The following MCM3AP variants were observed in gnomAD, a reference collection of about 807,000 sequenced individuals.
The protein encoded by MCM3AP is germinal-center associated nuclear protein.
MCM3AP carries 126 observed loss-of-function variants against 184.1 expected under a neutral mutation model. The ratio of observed to expected loss-of-function variants is 0.68; its 90% CI spans 0.59 to 0.79. The LOEUF is 0.79. Among genes scored for constraint, MCM3AP ranks in the 30% least tolerant of loss-of-function variants. The probability of loss-of-function intolerance (pLI) is 0.00; values close to 1 mark genes in which losing one functional copy is unlikely to be tolerated. For synonymous variants in MCM3AP, 1,002 were observed against 979.3 expected (o/e 1.02, Z -0.43); for missense variants, 2,496 against 2,479.2 (o/e 1.01, Z -0.14).
At chr21:46,265,664 G>A (rs1246780940) in intron 11 of MCM3AP, 141 bp from the exon 12 acceptor site, 9 of 765,910 alleles carry the variant, frequency 1.2e-5, no homozygotes, top group African/African-American at 3.5e-5. Flanking sequence ...GACCAGCTAC[G>A]TGGGACAACA....
Position 46,285,287 on chromosome 21 carries a change from C to A in MCM3AP, c.-1G>T, listed in dbSNP as rs371220577. On this transcript the variant is annotated 5_prime_UTR_variant, in exon 1 of 28. Transcript: ENST00000291688. ...CACTGAAAGGATTAGTTGGGTTCATCTTCTGCTCCAATTATTAGAAGGTAA... is the reference window on the plus strand; with the variant it reads ...CACTGAAAGGATTAGTTGGGTTCATATTCTGCTCCAATTATTAGAAGGTAA... 4.4e-6 allele frequency: 7 copies of A among 1,599,114 alleles called. No homozygotes were observed. Among genetic ancestry groups the A allele is most frequent in the Admixed American group, 3.4e-5 (2 of 59,232 alleles).
Position 46,270,400 on chromosome 21 carries a change from C to T in MCM3AP, c.2628+1G>A. ...TCTGCAAGCACAGCTCATTTACTCA[C>T]CTGACTGAAGTAACAGTGTAAAAGA... On this transcript the variant is annotated splice_donor_variant, in intron 9 of 27. Coordinates refer to ENST00000291688, the MANE Select transcript of MCM3AP (RefSeq NM_003906.5). LOFTEE classifies it high-confidence loss of function. The T allele has an allele frequency of 1.2e-6, 2 of 1,609,190 alleles. No individual in the cohort carries two copies. The highest frequency in any genetic ancestry group is 1.7e-6 in the Non-Finnish European group (2 of 1,178,278).
chr21:46,270,143 C>A, intron 9 of MCM3AP: 1 of 332,996 alleles, frequency 3.0e-6, no homozygotes, highest in Non-Finnish European at 5.4e-6. Flanking sequence ...TGAATTCAAC[C>A]TATGTTTTCC....
At position 46,256,693 on chromosome 21, in the gene MCM3AP, A is replaced by G. The variant is rs1215816114; in HGVS notation, c.3932+96T>C. 4.2e-6 allele frequency: 6 copies of G among 1,424,980 alleles called. No homozygotes were observed. In the African/African-American group the frequency reaches 5.7e-5, roughly 14 times the overall value. 88.3% of individuals were successfully genotyped at this position (1,424,980 alleles called of 1,614,324 possible). A position where few individuals can be genotyped will look rare whatever the true frequency, so the allele number is the denominator to read the frequency against. ...CTATCTTCGCCTCCAGGCTTCACCT[A>G]TCTTCACCCTCCAAACACACACATT... On this transcript the variant is annotated intron_variant, in intron 17 of 27. Transcript: ENST00000291688.
intron 19 of MCM3AP, chr21:46,253,355 A>C (rs748578709): frequency 7.2e-5 from 11 of 152,262 alleles, no homozygotes; most frequent in Non-Finnish European, 1.0e-4. Context: ...ACAGCTTGAA[A>C]TAACAATCAA....
At chr21:46,275,766 A>G (rs1194520644) in intron 5 of MCM3AP, among the ~76,000 whole-genome samples, 2 of 152,218 alleles carry the variant, frequency 1.3e-5, no homozygotes, top group South Asian at 2.1e-4. Flanking sequence ...TATTCAAAAT[A>G]TATCACTATT....
At chr21:46,280,236 G>A in intron 3 of MCM3AP, 99 bp from the exon 4 acceptor site, 1 of 1,325,108 alleles carries the variant, frequency 7.5e-7, no homozygotes, top group Non-Finnish European at 1.1e-6. Context: ...TATTTTCATT[G>A]TCACAGGAGG....
At chr21:46,273,142 T>C (rs1398443964) in intron 7 of MCM3AP, among the ~76,000 whole-genome samples, 1 of 152,144 alleles carries the variant, frequency 6.6e-6, no homozygotes. Flanking sequence ...GCCAAGCTAA[T>C]TTTTGTATTT....
At chr21:46,251,467 T>A (rs1485406363) in intron 20 of MCM3AP, 62 bp downstream of exon 20, 1 of 1,396,318 alleles carries the variant, frequency 7.2e-7, no homozygotes, top group Non-Finnish European at 1.0e-6. Context: ...GTTCCAGTGA[T>A]ATCTGGGAGT....
chr21:46,279,191 G>A (rs1170530977), intron 4 of MCM3AP, among the ~76,000 whole-genome samples: 1 of 151,978 alleles, frequency 6.6e-6, no homozygotes, highest in African/African-American at 2.4e-5. Flanking sequence ...GGGAGGCTAA[G>A]GCAGGAGAAT....
rs1220243932 is a variant in MCM3AP, at chr21:46,235,240, G to C, written c.*28C>G. On this transcript the variant is annotated 3_prime_UTR_variant, in exon 28 of 28. Transcript: ENST00000291688. The stretch of plus-strand genomic sequence containing the variant: ...GAGTAAAAACAGAAACTCTTCGGGA[G>C]AGACCCCCTCCCCACAGGTCAGGCT... The C allele has an allele frequency of 6.2e-7, 1 of 1,611,134 alleles. No homozygotes were observed. Among genetic ancestry groups the C allele is most frequent in the African/African-American group, 1.3e-5 (1 of 74,854 alleles).
Position 46,266,903 on chromosome 21 carries a change from C to CCAGCCCTTCA in MCM3AP, c.2789+69_2789+78dup, listed in dbSNP as rs971399001. The CCAGCCCTTCA allele has an allele frequency of 3.4e-6, 5 of 1,490,194 alleles. No homozygotes were observed. The African/African-American group carries it at 7.0e-5, about 21-fold the overall frequency. The allele number at this position is 1,490,194 out of a possible 1,614,324, so 92.3% of individuals were successfully genotyped here. A position where few individuals can be genotyped will look rare whatever the true frequency, so the allele number is the denominator to read the frequency against. ...CACCTTCTTCAAGTCAGGCAAGCAG[C>CCAGCCCTTCA]CAGCCCTTCACAGCCCTTCATCAGA... On this transcript the variant is annotated intron_variant, in intron 10 of 27. Transcript: ENST00000291688.
At position 46,284,294 on chromosome 21, in the gene MCM3AP, T is replaced by C. The variant is rs757009106; in HGVS notation, c.993A>G (p.Arg331=). Reference sequence around the variant, plus strand: ...GACCAAATAAAGTACCTCCCCGGGGTCGATTCAGGCGGACAGGTCGTTTGT... The same window carrying C: ...GACCAAATAAAGTACCTCCCCGGGGCCGATTCAGGCGGACAGGTCGTTTGT... The part of the protein sequence containing the change: ...PPDKRPVRLN[R]PRGGTLFGRT... The change falls in exon 1 of 28, where the codon CGA becomes CGG. Residue 331 remains arginine, a synonymous_variant. Transcript: ENST00000291688. 6 of 1,613,960 alleles carry C rather than the reference T, an allele frequency of 3.7e-6. No individual in the cohort carries two copies. The highest frequency in any genetic ancestry group is 4.2e-6 in the Non-Finnish European group (5 of 1,179,998).
rs748544562 is a variant in MCM3AP, at chr21:46,267,213, C to A, written c.2629-71G>T. On this transcript the variant is annotated intron_variant, in intron 9 of 27. Coordinates refer to ENST00000291688, the MANE Select transcript of MCM3AP (RefSeq NM_003906.5). ...TCAGACACATGCAGTCAGCCCATGA[C>A]CACAGCCATGGCCAGCGTGGGGCAC... 22 of 1,482,342 alleles carry A rather than the reference C, an allele frequency of 1.5e-5. 1 individual carries two copies. Among genetic ancestry groups the A allele is most frequent in the Non-Finnish European group, 2.0e-5 (22 of 1,086,992 alleles). 91.8% of individuals were successfully genotyped at this position (1,482,342 alleles called of 1,614,324 possible). A position where few individuals can be genotyped will look rare whatever the true frequency, so the allele number is the denominator to read the frequency against.
At position 46,281,288 on chromosome 21, in the gene MCM3AP, C is replaced by A. The variant is rs75692298; in HGVS notation, c.1444-713G>T. ...GGGATGCCACTTACCACAGAAAACA[C>A]ACACAAAACCAACCACGTTAGTCTC... On this transcript the variant is annotated intron_variant, in intron 2 of 27. Transcript: ENST00000291688. Among the ~76,000 whole-genome samples, 448 of 152,318 alleles carry A rather than the reference C, an allele frequency of 2.9e-3. 1 individual carries two copies. The highest frequency in any genetic ancestry group is 9.9e-3 in the African/African-American group (410 of 41,572).
In MCM3AP at chr21:46,236,982, G is replaced by A; in HGVS notation, c.5634-3C>T. The A allele has an allele frequency of 6.7e-7, 1 of 1,501,734 alleles. No homozygotes were observed. The highest frequency in any genetic ancestry group is 8.8e-7 in the Non-Finnish European group (1 of 1,130,472). The allele number at this position is 1,501,734 out of a possible 1,614,324, so 93.0% of individuals were successfully genotyped here. On this transcript the variant is annotated splice_region_variant and splice_polypyrimidine_tract_variant and intron_variant, in intron 26 of 27. Transcript: ENST00000291688. ...ATTGCTGAAGCTGATCTTCAAACCT[G>A]AAACAATATGTAATAAATTCAAAAA...
chr21:46,251,692 T>TA lies in MCM3AP; in HGVS notation c.4137-11dup, dbSNP rs766274423. The TA allele has an allele frequency of 1.5e-4, 224 of 1,529,694 alleles. No homozygotes were observed. Among genetic ancestry groups the TA allele is most frequent in the Middle Eastern group, 3.5e-4 (2 of 5,770 alleles). 94.8% of individuals were successfully genotyped at this position (1,529,694 alleles called of 1,614,324 possible). A position where few individuals can be genotyped will look rare whatever the true frequency, so the allele number is the denominator to read the frequency against. On this transcript the variant is annotated splice_polypyrimidine_tract_variant and intron_variant, in intron 19 of 27. Transcript: ENST00000291688. ...CCAATTTGCTAGAATTCTACAGATTTAAAAAAAACAAAAAACAAAAAAAAC... is the reference window on the plus strand; with the variant it reads ...CCAATTTGCTAGAATTCTACAGATTTAAAAAAAAACAAAAAACAAAAAAAAC...
chr21:46,283,556 G>A lies in MCM3AP; in HGVS notation c.1443+59C>T, dbSNP rs926279870. ...ACTGAGGGACCAAAAAAAAAAAACA[G>A]GTTTTAAAGTGACAAGGTTCAAATC... is the stretch of plus-strand genomic sequence containing the variant. On this transcript the variant is annotated intron_variant, in intron 2 of 27. Coordinates refer to ENST00000291688, the MANE Select transcript of MCM3AP (RefSeq NM_003906.5). The A allele has an allele frequency of 5.8e-6, 7 of 1,208,238 alleles. No homozygotes were observed. The African/African-American group carries it at 6.2e-5, about 11-fold the overall frequency. The allele number at this position is 1,208,238 out of a possible 1,614,324, so 74.8% of individuals were successfully genotyped here.
chr21:46,255,168 A>G (rs2080930414), intron 17 of MCM3AP, among the ~76,000 whole-genome samples: 1 of 152,188 alleles, frequency 6.6e-6, no homozygotes, highest in Non-Finnish European at 1.5e-5. Flanking sequence ...GGAGCCAGGC[A>G]GGGTGCGTGT....
Sources: gnomAD v4.1 joint callset for allele counts (sites outside exome capture counted in the v4.1 genomes callset) on GRCh38, gnomAD v4.1.1 for gene constraint, MANE v1.5 for transcripts, NCBI Gene and HGNC (gene_info 2026-07-23, HGNC 2026-07-21) for gene names.